Variants in TEX14 observed in about 807,000 individuals in gnomAD.
TEX14 encodes inactive serine/threonine-protein kinase TEX14.
Under a neutral mutation model 178.6 loss-of-function variants are expected in TEX14, and 168 were observed. The ratio of observed to expected loss-of-function variants is 0.94; its 90% CI spans 0.83 to 1.07. The LOEUF (loss-of-function observed/expected upper bound fraction) is 1.07. Among genes scored for constraint, TEX14 ranks in the 50% least tolerant of loss-of-function variants. The pLI, the probability that TEX14 is intolerant of heterozygous loss-of-function variation, is 0.00. For missense variants in TEX14, 1,730 were observed against 1,753.6 expected, an observed-to-expected ratio of 0.99 and a Z score of 0.24; for synonymous variants, 626 against 634.1, an observed-to-expected ratio of 0.99 and a Z score of 0.19.
At chr17:58,585,108 G>A (rs1383052194) in intron 18 of TEX14, among the ~76,000 whole-genome samples, 2 of 151,982 alleles carry the variant, frequency 1.3e-5, no homozygotes, top group African/African-American at 2.4e-5. Flanking sequence ...ATAAATTCTG[G>A]GAGAATTTAA....
In TEX14 at chr17:58,565,739, T is replaced by C; in HGVS notation, c.3964+8A>G. ...ACCTGATGAAAACAATCTAGGTAGT[T>C]CACTTACCATTTGCAGTGCCTCCTC... On this transcript the variant is annotated splice_region_variant and intron_variant, in intron 27 of 31. Coordinates refer to ENST00000349033, the MANE Select transcript of TEX14 (RefSeq NM_031272.5). The C allele has an allele frequency of 6.3e-7, 1 of 1,599,940 alleles. No individual in the cohort carries two copies. Among genetic ancestry groups the C allele is most frequent in the Non-Finnish European group, 8.5e-7 (1 of 1,170,500 alleles).
At chr17:58,659,651 C>A (rs976074386) in intron 1 of TEX14, among the ~76,000 whole-genome samples, 7 of 152,018 alleles carry the variant, frequency 4.6e-5, no homozygotes, top group Non-Finnish European at 7.4e-5. Context: ...AATTTTTTTT[C>A]TTTTTTCTGC....
rs145747286 is a variant in TEX14, at chr17:58,669,719, G to C, written c.-1-17717C>G. ...ACTGCACTCTAGACTGGGCAACAGA[G>C]AGAGACTCCGTCTCAAAAAAAAAAA... On this transcript the variant is annotated intron_variant, in intron 1 of 31. Coordinates refer to ENST00000349033, the MANE Select transcript of TEX14 (RefSeq NM_031272.5). Among the ~76,000 whole-genome samples, 164 of 118,616 alleles carry C rather than the reference G, an allele frequency of 1.4e-3. 1 individual carries two copies. The highest frequency in any genetic ancestry group is 5.2e-3 in the African/African-American group (157 of 30,150). 77.8% of individuals were successfully genotyped at this position (118,616 alleles called of 152,430 possible). A position where few individuals can be genotyped will look rare whatever the true frequency, so the allele number is the denominator to read the frequency against.
chr17:58,659,275 C>G, intron 1 of TEX14: 3 of 896,336 alleles, frequency 3.3e-6, no homozygotes, highest in Non-Finnish European at 4.0e-6. Flanking sequence ...TTATCAGGAC[C>G]AACAGCGTCT....
At chr17:58,579,502 T>C (rs1286001062) in intron 20 of TEX14, among the ~76,000 whole-genome samples, 163 bp downstream of exon 20, 1 of 152,332 alleles carries the variant, frequency 6.6e-6, no homozygotes, top group Non-Finnish European at 1.5e-5. Flanking sequence ...AAGGGATTTG[T>C]TCTATTGAGG....
intron 2 of TEX14, chr17:58,631,830 T>A (rs184304458): frequency 6.7e-6 from 1 of 148,834 alleles, no homozygotes; most frequent in African/African-American, 2.6e-5. Context: ...CCTCAAAATA[T>A]AGTCTTAATG....
intron 18 of TEX14, among the ~76,000 whole-genome samples, chr17:58,585,220 A>G (rs1348509241): frequency 6.6e-6 from 1 of 152,204 alleles, no homozygotes; most frequent in Non-Finnish European, 1.5e-5. Context: ...AACCAGGGTC[A>G]GTATTTGATT....
In TEX14 at chr17:58,622,962, T is replaced by C. The variant is rs1240191303; in HGVS notation, c.302A>G (p.Asn101Ser). 1 of 1,611,250 alleles carries C rather than the reference T, an allele frequency of 6.2e-7. No individual in the cohort carries two copies. Among genetic ancestry groups the C allele is most frequent in the Non-Finnish European group, 8.5e-7 (1 of 1,177,606 alleles). Reference sequence around the variant, plus strand: ...CAGCAGTTTGCTAAGGATCCACTGATTGCCCGAAAATGCTGCTGCATGGAC... The same window carrying C: ...CAGCAGTTTGCTAAGGATCCACTGACTGCCCGAAAATGCTGCTGCATGGAC... ...TPVHAAAFSG[N>S]QWILSKLLDA... Residue 101 changes from asparagine to serine, a missense_variant, in exon 4 of 32, where the codon AAT becomes AGT. Physicochemically the swap from Asn to Ser is conservative, Grantham distance 46 (BLOSUM62 1). Coordinates refer to ENST00000349033, the MANE Select transcript of TEX14 (RefSeq NM_031272.5).
At chr17:58,564,751 G>C (rs1300383741) in intron 28 of TEX14, 118 bp downstream of exon 28, 1 of 566,088 alleles carries the variant, frequency 1.8e-6, no homozygotes. Flanking sequence ...GGGGCTATTA[G>C]GATAGTATGA....
chr17:58,626,372 C>T (rs1347946450), intron 3 of TEX14, among the ~76,000 whole-genome samples: 1 of 151,594 alleles, frequency 6.6e-6, no homozygotes, highest in Non-Finnish European at 1.5e-5. Flanking sequence ...TCGAGACCAG[C>T]TTAGCCAACA....
rs971867562 is a variant in TEX14 at position 58,569,600 on chromosome 17, A to T, written c.3818-340T>A. On this transcript the variant is annotated intron_variant, in intron 25 of 31. Transcript: ENST00000349033. This position sits in a 1 kb window ranked among gnomAD's most constrained non-coding sequence, Gnocchi z 4.1. Reference sequence around the variant, plus strand: ...TCTGGACCAGGGCTGCTGGAGGAATACAGAGGTTCTGGACCAGTCAAAATG... The same window carrying T: ...TCTGGACCAGGGCTGCTGGAGGAATTCAGAGGTTCTGGACCAGTCAAAATG... Among the ~76,000 whole-genome samples, 4 of 152,172 alleles carry T rather than the reference A, an allele frequency of 2.6e-5. No homozygotes were observed. Among genetic ancestry groups the T allele is most frequent in the African/African-American group, 9.7e-5 (4 of 41,440 alleles).
At chr17:58,638,952 C>T (rs1431353012) in intron 2 of TEX14, among the ~76,000 whole-genome samples, 5 of 150,108 alleles carry the variant, frequency 3.3e-5, no homozygotes, top group African/African-American at 1.2e-4. Context: ...CAAGCTCCAC[C>T]TCCCAGGTTC....
chr17:58,600,539 C>G (rs1290329582), intron 13 of TEX14, among the ~76,000 whole-genome samples: 1 of 129,410 alleles, frequency 7.7e-6, no homozygotes, highest in African/African-American at 3.0e-5. Context: ...CCAGTCTGGG[C>G]AAAAAGAGTG....
chr17:58,619,149 G>A (rs562962461), intron 5 of TEX14, among the ~76,000 whole-genome samples: 36 of 152,312 alleles, frequency 2.4e-4, no homozygotes, highest in Admixed American at 1.8e-3. Context: ...TACCAGTGAC[G>A]AGGCCTCCTG....
At chr17:58,564,665 T>C (rs1040696413) in intron 28 of TEX14, among the ~76,000 whole-genome samples, 3 of 152,208 alleles carry the variant, frequency 2.0e-5, no homozygotes, top group Non-Finnish European at 4.4e-5. Flanking sequence ...AATTTTGTTA[T>C]ATACATTGTA....
At chr17:58,586,640 A>G (rs2044981946) in intron 17 of TEX14, among the ~76,000 whole-genome samples, 1 of 151,848 alleles carries the variant, frequency 6.6e-6, no homozygotes, top group Non-Finnish European at 1.5e-5. Context: ...GACACTGCAT[A>G]CTCTCCACTT....
intron 10 of TEX14, among the ~76,000 whole-genome samples, chr17:58,607,822 C>G (rs2045645392): frequency 6.6e-6 from 1 of 152,220 alleles, no homozygotes; most frequent in Non-Finnish European, 1.5e-5. Flanking sequence ...ACTAGATCAT[C>G]CAATCATTTA....
intron 13 of TEX14, 50 bp downstream of exon 13, chr17:58,601,756 T>A: frequency 1.3e-6 from 2 of 1,570,026 alleles, no homozygotes; most frequent in Non-Finnish European, 1.7e-6. Context: ...CATGTGACTC[T>A]CAGAACACAT....
At chr17:58,686,472 T>C (rs1205211274) in intron 1 of TEX14, among the ~76,000 whole-genome samples, 4 of 152,160 alleles carry the variant, frequency 2.6e-5, no homozygotes, top group Non-Finnish European at 5.9e-5. Context: ...AATTGTCCAG[T>C]AGGCAATTAG....
Sources: allele counts gnomAD v4.1 joint callset (sites outside exome capture counted in the v4.1 genomes callset), GRCh38; gene constraint gnomAD v4.1.1; non-coding constraint Gnocchi (gnomAD v3.1); transcripts MANE v1.5; gene names NCBI Gene and HGNC (gene_info 2026-07-23, HGNC 2026-07-21).